Variants in SLC1A6 observed in about 807,000 individuals in gnomAD.
SLC1A6 encodes solute carrier family 1 member 6.
A neutral mutation model predicts 42.1 loss-of-function variants in SLC1A6; 15 were observed. The observed-to-expected ratio is 0.36, with a 90% CI of 0.24 to 0.55. The LOEUF is 0.55. SLC1A6 is among the 20% of genes least tolerant of loss of function. The probability of loss-of-function intolerance (pLI) is 0.88; values close to 1 mark genes in which losing one functional copy is unlikely to be tolerated. For synonymous variants in SLC1A6, 317 were observed against 319.7 expected (o/e 0.99, Z 0.09); for missense variants, 542 against 772.5 (o/e 0.70, Z 3.54).
chr19:14,964,241 C>T (rs1351500162), intron 5 of SLC1A6, 78 bp downstream of exon 5: 1 of 1,234,162 alleles, frequency 8.1e-7, no homozygotes, highest in Non-Finnish European at 1.2e-6. Flanking sequence ...CCGCCTCTTG[C>T]CCTTGGACCA....
At position 14,954,128 on chromosome 19, in the gene SLC1A6, C is replaced by T. The variant is rs993766978; in HGVS notation, c.1364+7G>A. 1.9e-6 allele frequency: 3 copies of T among 1,588,190 alleles called. No individual in the cohort carries two copies. Among genetic ancestry groups the T allele is most frequent in the Admixed American group, 1.7e-5 (1 of 58,506 alleles). On this transcript the variant is annotated splice_region_variant and intron_variant, in intron 8 of 9. Transcript: ENST00000594383. ...CCTGCTGGCAGGTCCTACCCAAGCCCCCTCACCTGATGGTTGTGATCTGAC... is the reference window on the plus strand; with the variant it reads ...CCTGCTGGCAGGTCCTACCCAAGCCTCCTCACCTGATGGTTGTGATCTGAC...
intron 1 of SLC1A6, among the ~76,000 whole-genome samples, chr19:15,003,413 G>C (rs908743601): frequency 6.6e-6 from 1 of 152,090 alleles, no homozygotes; most frequent in Non-Finnish European, 1.5e-5. Context: ...TCCCAGCCTG[G>C]GGCTTCCCAC....
intron 1 of SLC1A6, among the ~76,000 whole-genome samples, chr19:14,992,884 A>G (rs879905711): frequency 2.0e-5 from 3 of 152,114 alleles, no homozygotes; most frequent in Non-Finnish European, 4.4e-5. Context: ...CGAGGAATTG[A>G]GGCTAATTCC....
chr19:14,971,567 C>T (rs2045640369), intron 3 of SLC1A6, among the ~76,000 whole-genome samples, 170 bp downstream of exon 3: 1 of 152,166 alleles, frequency 6.6e-6, no homozygotes, highest in Non-Finnish European at 1.5e-5. Context: ...AACCTGGGAC[C>T]GATTGGGACC....
chr19:14,987,081 A>AC (rs1243396971), intron 1 of SLC1A6, among the ~76,000 whole-genome samples: 2 of 152,018 alleles, frequency 1.3e-5, no homozygotes, highest in Middle Eastern at 3.2e-3. Context: ...GACCTTGCAG[A>AC]CCCCCTGAAT....
At chr19:14,972,067 A>T (rs958938996) in intron 2 of SLC1A6, among the ~76,000 whole-genome samples, 193 bp from the exon 3 acceptor site, 7 of 150,950 alleles carry the variant, frequency 4.6e-5, no homozygotes, top group African/African-American at 1.7e-4. Flanking sequence ...TACCATATTG[A>T]TATTGTGTAA....
At chr19:14,984,888 T>A (rs575309173) in intron 1 of SLC1A6, among the ~76,000 whole-genome samples, 1 of 144,746 alleles carries the variant, frequency 6.9e-6, no homozygotes, top group South Asian at 2.1e-4. Flanking sequence ...GCAATTTTTT[T>A]GTTTGTTTGT....
intron 3 of SLC1A6, 83 bp from the exon 4 acceptor site, chr19:14,968,590 T>TCA: frequency 8.2e-7 from 1 of 1,213,268 alleles, no homozygotes; most frequent in Non-Finnish European, 1.1e-6. Flanking sequence ...CCTCCCCATA[T>TCA]CACCAACTCA....
chr19:14,993,826 T>G (rs930689630), intron 1 of SLC1A6, among the ~76,000 whole-genome samples: 16 of 152,160 alleles, frequency 1.1e-4, no homozygotes, highest in African/African-American at 3.4e-4. Flanking sequence ...TGGGTGCAGG[T>G]GGGCAGTGAG....
Position 14,971,880 on chromosome 19 carries a change from G to T in SLC1A6, c.206-6C>A. On this transcript the variant is annotated splice_polypyrimidine_tract_variant and splice_region_variant and intron_variant, in intron 2 of 9. Transcript: ENST00000594383. ...GGCAAAGGCCAGGCTGACCCCTAGG[G>T]CCAAAAGAAGGGGTCCATGGACTGA... The T allele has an allele frequency of 6.2e-7, 1 of 1,613,916 alleles. No individual in the cohort carries two copies. The highest frequency in any genetic ancestry group is 1.1e-5 in the South Asian group (1 of 91,068).
chr19:14,964,448 C>T, intron 4 of SLC1A6, 87 bp from the exon 5 acceptor site: 1 of 1,058,916 alleles, frequency 9.4e-7, no homozygotes, highest in South Asian at 1.3e-5. Flanking sequence ...CCAAGAACAA[C>T]AATAGTGCAG....
chr19:14,987,479 A>T (rs59829478), intron 1 of SLC1A6, among the ~76,000 whole-genome samples: 25,855 of 151,106 alleles, frequency 0.17, 3,169 homozygotes, highest in African/African-American at 0.35. Flanking sequence ...GAAAAAAAAA[A>T]TTTTTTTTAA....
chr19:14,980,699 A>ATTG (rs981302389), upstream of SLC1A6, among the ~76,000 whole-genome samples: 4 of 149,116 alleles, frequency 2.7e-5, no homozygotes, highest in East Asian at 7.8e-4. Context: ...GTTTTTTATT[A>ATTG]TTGTTGTTGT....
chr19:14,978,760 G>C (rs1224737222), intron 1 of SLC1A6, among the ~76,000 whole-genome samples: 1 of 150,592 alleles, frequency 6.6e-6, no homozygotes, highest in Non-Finnish European at 1.5e-5. Context: ...TTCCAGGCAT[G>C]CAGTCATACA....
intron 7 of SLC1A6, among the ~76,000 whole-genome samples, chr19:14,954,715 G>A (rs902613849): frequency 6.6e-6 from 1 of 152,186 alleles, no homozygotes; most frequent in Non-Finnish European, 1.5e-5. Context: ...AGATGCAGAA[G>A]ACAAGGGTAT....
At chr19:14,986,387 T>TG (rs1224710418) in intron 1 of SLC1A6, among the ~76,000 whole-genome samples, 1 of 151,190 alleles carries the variant, frequency 6.6e-6, no homozygotes, top group East Asian at 2.0e-4. Context: ...CCCAGCATGG[T>TG]GGGGGGTGCC....
chr19:15,002,194 A>G (rs1442327225), intron 1 of SLC1A6, among the ~76,000 whole-genome samples: 1 of 151,878 alleles, frequency 6.6e-6, no homozygotes, highest in African/African-American at 2.4e-5. Flanking sequence ...GGCTCAAGCG[A>G]TCCTCCCACC....
At chr19:14,969,311 T>C (rs926712499) in intron 3 of SLC1A6, among the ~76,000 whole-genome samples, 3 of 152,190 alleles carry the variant, frequency 2.0e-5, no homozygotes, top group African/African-American at 7.2e-5. Flanking sequence ...CTGAGTACAA[T>C]AGCTCAGGCT....
chr19:14,988,300 T>A (rs2078267268), intron 1 of SLC1A6, among the ~76,000 whole-genome samples: 1 of 152,208 alleles, frequency 6.6e-6, no homozygotes, highest in Admixed American at 6.5e-5. Flanking sequence ...TGTTTTATGG[T>A]CTGCTCTTTC....
Sources: gnomAD v4.1 joint callset for allele counts (sites outside exome capture counted in the v4.1 genomes callset) on GRCh38, gnomAD v4.1.1 for gene constraint, MANE v1.5 for transcripts, NCBI Gene and HGNC (gene_info 2026-07-23, HGNC 2026-07-21) for gene names.